Variants in LPP observed in about 807,000 individuals in gnomAD.
The protein encoded by LPP is LIM domain containing preferred translocation partner in lipoma, also known as lipoma-preferred partner.
Under a neutral mutation model 60.4 loss-of-function variants are expected in LPP, and 38 were observed. That is an observed-to-expected ratio of 0.63 (90% CI 0.49 to 0.83). LPP has a LOEUF of 0.83. Among genes scored for constraint, LPP ranks in the 40% least tolerant of loss-of-function variants. LPP has a pLI of 0.00. For missense variants in LPP, 902 were observed against 783.6 expected (o/e 1.15, Z -1.80); for synonymous variants, 328 against 290.8 (o/e 1.13, Z -1.30).
chr3:188,275,505 G>A (rs896559198), intron 2 of LPP, among the ~76,000 whole-genome samples: 2 of 152,082 alleles, frequency 1.3e-5, no homozygotes. Flanking sequence ...GACGGTGGGT[G>A]TGCACCACTG....
At chr3:188,778,747 C>T (rs900617949) in intron 9 of LPP, among the ~76,000 whole-genome samples, 3 of 152,104 alleles carry the variant, frequency 2.0e-5, no homozygotes, top group African/African-American at 7.2e-5. Flanking sequence ...ACACTCACAC[C>T]AAAGCCAGGA....
At position 188,885,349 on chromosome 3, in the gene LPP, G is replaced by C. The variant is rs1004075376; in HGVS notation, c.*10870G>C. 1 of 194,900 alleles carries C rather than the reference G, an allele frequency of 5.1e-6. No homozygotes were observed. The allele number at this position is 194,900 out of a possible 1,614,324, so 12.1% of individuals were successfully genotyped here. A position where few individuals can be genotyped will look rare whatever the true frequency, so the allele number is the denominator to read the frequency against. On this transcript the variant is annotated 3_prime_UTR_variant, in exon 12 of 12. Coordinates refer to ENST00000617246, the MANE Select transcript of LPP (RefSeq NM_001375462.1). Reference sequence around the variant, plus strand: ...CATCATCCACCTGCTTATTCCTTGGGACTAATGAGAGCCAAGTTAAATAGC... The same window carrying C: ...CATCATCCACCTGCTTATTCCTTGGCACTAATGAGAGCCAAGTTAAATAGC...
chr3:188,358,156 T>C (rs1207444433), intron 3 of LPP, among the ~76,000 whole-genome samples: 4 of 152,216 alleles, frequency 2.6e-5, no homozygotes, highest in African/African-American at 9.7e-5. Context: ...GAAGGTACTG[T>C]TATTATCACC....
rs1553878071 is a variant in LPP at position 188,371,641 on chromosome 3, A to ATATATTTTT, written c.-10+29923_-10+29924insATATTTTTT. Among the ~76,000 whole-genome samples, 8 of 32,174 alleles carry ATATATTTTT rather than the reference A, an allele frequency of 2.5e-4. 1 individual carries two copies. The highest frequency in any genetic ancestry group is 1.7e-3 in the East Asian group (1 of 602). The allele number at this position is 32,174 out of a possible 152,430, so 21.1% of individuals were successfully genotyped here. A position where few individuals can be genotyped will look rare whatever the true frequency, so the allele number is the denominator to read the frequency against. ...AATATATATATATATATATATATAT[A>ATATATTTTT]TTTTTTTTTTTTTTTTTTTTTTTTT... On this transcript the variant is annotated intron_variant, in intron 3 of 11. Transcript: ENST00000617246.
At chr3:188,274,858 G>A (rs992585613) in intron 2 of LPP, among the ~76,000 whole-genome samples, 1 of 152,190 alleles carries the variant, frequency 6.6e-6, no homozygotes, top group Non-Finnish European at 1.5e-5. Flanking sequence ...TCACCTCCAA[G>A]TTACCACGTA....
intron 9 of LPP, among the ~76,000 whole-genome samples, chr3:188,824,426 A>C (rs529676095): frequency 6.6e-6 from 1 of 152,220 alleles, no homozygotes; most frequent in Non-Finnish European, 1.5e-5. Flanking sequence ...TCAAATGCTC[A>C]AGAACCATTT....
chr3:188,598,789 C>G (rs1840487953), intron 6 of LPP, among the ~76,000 whole-genome samples: 1 of 152,074 alleles, frequency 6.6e-6, no homozygotes, highest in Non-Finnish European at 1.5e-5. Flanking sequence ...TTTAATAGCT[C>G]TTCATTGCAA....
chr3:188,634,591 A>G (rs546522346), intron 7 of LPP, among the ~76,000 whole-genome samples: 1 of 152,134 alleles, frequency 6.6e-6, no homozygotes, highest in South Asian at 2.1e-4. Flanking sequence ...CCTGAACTTC[A>G]CCTCCTGTCA....
chr3:188,510,922 G>A (rs1815287336), intron 5 of LPP, among the ~76,000 whole-genome samples: 1 of 151,858 alleles, frequency 6.6e-6, no homozygotes, highest in African/African-American at 2.4e-5. Context: ...AACATCTTGT[G>A]TGTCTTACCT....
intron 2 of LPP, among the ~76,000 whole-genome samples, chr3:188,269,637 T>TA (rs995751491): frequency 3.4e-5 from 2 of 59,264 alleles, no homozygotes; most frequent in Non-Finnish European, 7.5e-5. Flanking sequence ...GGTTGTGCCT[T>TA]TTTTTTTATG....
intron 2 of LPP, among the ~76,000 whole-genome samples, chr3:188,250,920 CTCCCTTCCCTTCCCTTCCCT>C (rs1161657769): frequency 0.013 from 261 of 20,072 alleles, 19 homozygotes; most frequent in African/African-American, 0.079. Context: ...CCCTTCCTTC[CTCCCTTCCCTTCCCTTCCCT>C]TCCCTTCCCT....
At position 188,779,325 on chromosome 3, in the gene LPP, A is replaced by G. The variant is rs145404774; in HGVS notation, c.1410+19043A>G. ...GATGCTATGGACCATGGATTATTTC[A>G]TTTAGTACGATTGACAGTAGAAAAT... On this transcript the variant is annotated intron_variant, in intron 9 of 11. Coordinates refer to ENST00000617246, the MANE Select transcript of LPP (RefSeq NM_001375462.1). 2.2e-3 allele frequency among the ~76,000 whole-genome samples: 336 copies of G among 152,274 alleles called. 1 individual carries two copies. The highest frequency in any genetic ancestry group is 7.7e-3 in the African/African-American group (321 of 41,556).
chr3:188,371,298 A>T (rs532231869), intron 3 of LPP, among the ~76,000 whole-genome samples: 33 of 152,122 alleles, frequency 2.2e-4, no homozygotes, highest in African/African-American at 5.5e-4. Flanking sequence ...ACATTCATTT[A>T]TATATGAATT....
chr3:188,682,884 T>C (rs752573763), intron 7 of LPP, among the ~76,000 whole-genome samples: 1 of 152,170 alleles, frequency 6.6e-6, no homozygotes, highest in East Asian at 1.9e-4. Flanking sequence ...AAACTAGGGA[T>C]GTGTATATCA....
intron 9 of LPP, among the ~76,000 whole-genome samples, chr3:188,770,907 T>C (rs1463935613): frequency 1.3e-5 from 2 of 152,216 alleles, no homozygotes; most frequent in Admixed American, 6.5e-5. Context: ...CAGTTTGTTA[T>C]ATGTTCTCAC....
intron 2 of LPP, among the ~76,000 whole-genome samples, chr3:188,282,283 T>G (rs1288035838): frequency 6.6e-6 from 1 of 152,192 alleles, no homozygotes; most frequent in Non-Finnish European, 1.5e-5. Flanking sequence ...AGCTCTGAAT[T>G]GTCAGGTTCC....
intron 9 of LPP, among the ~76,000 whole-genome samples, chr3:188,798,826 C>T (rs1051985714): frequency 6.6e-6 from 1 of 152,306 alleles, no homozygotes; most frequent in Non-Finnish European, 1.5e-5. Flanking sequence ...GAAATTTCAC[C>T]GTCTGTGAAG....
At chr3:188,612,963 C>G (rs1327119701) in intron 7 of LPP, among the ~76,000 whole-genome samples, 1 of 152,002 alleles carries the variant, frequency 6.6e-6, no homozygotes, top group South Asian at 2.1e-4. Flanking sequence ...AGAATGAGAA[C>G]CTGCAAGGCT....
intron 1 of LPP, among the ~76,000 whole-genome samples, chr3:188,210,551 A>G (rs1221062255): frequency 6.6e-6 from 1 of 152,164 alleles, no homozygotes; most frequent in African/African-American, 2.4e-5. Flanking sequence ...GCCACTTCTA[A>G]TTTTGAGATC....
Sources: gnomAD v4.1 joint callset for allele counts (sites outside exome capture counted in the v4.1 genomes callset) on GRCh38, gnomAD v4.1.1 for gene constraint, MANE v1.5 for transcripts, NCBI Gene and HGNC (gene_info 2026-07-23, HGNC 2026-07-21) for gene names.